OGFOD3: variants seen among roughly 807,000 people sequenced by gnomAD.
The protein encoded by OGFOD3 is 2-oxoglutarate and iron dependent oxygenase domain containing 3, also known as 2-oxoglutarate and iron-dependent oxygenase domain-containing protein 3.
OGFOD3 carries 35 observed loss-of-function variants against 39.8 expected under a neutral mutation model. The observed-to-expected ratio is 0.88, with a 90% confidence interval of 0.67 to 1.17. The LOEUF (loss-of-function observed/expected upper bound fraction) is 1.17. OGFOD3 is among the 50% of genes most tolerant of loss of function. OGFOD3 has a pLI of 0.00. For synonymous variants in OGFOD3, 200 were observed against 192.0 expected, an observed-to-expected ratio of 1.04 and a Z score of -0.34; for missense variants, 438 against 454.5, an observed-to-expected ratio of 0.96 and a Z score of 0.33.
chr17:82,405,451 G>T, intron 5 of OGFOD3, 71 bp from the exon 6 acceptor site: 1 of 1,295,114 alleles, frequency 7.7e-7, no homozygotes, highest in Non-Finnish European at 1.1e-6. Context: ...TTTCAGTTCA[G>T]CCATTCCTCA....
chr17:82,405,249 C>T lies in OGFOD3; in HGVS notation c.545+75G>A. On this transcript the variant is annotated intron_variant, in intron 6 of 8. Coordinates refer to ENST00000313056, the MANE Select transcript of OGFOD3 (RefSeq NM_024648.3). ...GGCCTCTCCGTGGGGCCTCCCCGGA[C>T]CGGCCAGCTCTGCCACACCCCTCAG... 9 of 1,329,218 alleles carry T rather than the reference C, an allele frequency of 6.8e-6. No homozygotes were observed. The South Asian group carries it at 9.6e-5, about 14-fold the overall frequency. The allele number at this position is 1,329,218 out of a possible 1,614,324, so 82.3% of individuals were successfully genotyped here.
rs147039814 is a variant in OGFOD3, at chr17:82,417,544, G to A, written c.74+868C>T. Among the ~76,000 whole-genome samples the A allele has an allele frequency of 1.8e-3, 275 of 151,698 alleles. 1 individual carries two copies. Among genetic ancestry groups the A allele is most frequent in the African/African-American group, 6.3e-3 (262 of 41,318 alleles). On this transcript the variant is annotated intron_variant, in intron 1 of 8. Transcript: ENST00000313056. ...TGAGGCAGGAGAATCTCTTGAACCCGGGAGGCAGAGGTTGCAATGAGCCGA... is the reference window on the plus strand; with the variant it reads ...TGAGGCAGGAGAATCTCTTGAACCCAGGAGGCAGAGGTTGCAATGAGCCGA...
Position 82,406,357 on chromosome 17 carries a change from A to C in OGFOD3, c.488+61T>G. 1.4e-6 allele frequency: 2 copies of C among 1,469,864 alleles called. No homozygotes were observed. The highest frequency in any genetic ancestry group is 2.3e-5 in the South Asian group (2 of 88,316). 91.1% of individuals were successfully genotyped at this position (1,469,864 alleles called of 1,614,324 possible). On this transcript the variant is annotated intron_variant, in intron 5 of 8. Transcript: ENST00000313056. The surrounding 1 kb of genome is among the most constrained non-coding windows in gnomAD (Gnocchi z 5.2). ...ACGTGTCCACATGTCCATGGCTAAGAGGCACGGAGCCGCTCACTCGGCTTT... is the reference window on the plus strand; with the variant it reads ...ACGTGTCCACATGTCCATGGCTAAGCGGCACGGAGCCGCTCACTCGGCTTT...
intron 3 of OGFOD3, among the ~76,000 whole-genome samples, chr17:82,410,830 T>C (rs1043715557): frequency 6.7e-6 from 1 of 148,310 alleles, no homozygotes; most frequent in South Asian, 2.2e-4. Context: ...GCAATTCTCC[T>C]GTCTCAGCCT....
intron 8 of OGFOD3, chr17:82,393,116 C>T (rs998014664): frequency 6.5e-6 from 1 of 152,756 alleles, no homozygotes; most frequent in African/African-American, 2.4e-5. Context: ...AGGGGCCTAT[C>T]TCAAGAGACG....
At chr17:82,402,372 T>A (rs9899437) in intron 7 of OGFOD3, among the ~76,000 whole-genome samples, 2,838 of 141,044 alleles carry the variant, frequency 0.02, 77 homozygotes, top group African/African-American at 0.071. Context: ...GAGGCGGAGG[T>A]TGTAGTAAGC....
rs1460984576 is a variant in OGFOD3 at position 82,392,185 on chromosome 17, C to T, written c.*213G>A. Reference sequence around the variant, plus strand: ...CTGGCCTCCACCTCAGGCTCCCAGGCCTACAGCCCAAGCACACATGATGCT... The same window carrying T: ...CTGGCCTCCACCTCAGGCTCCCAGGTCTACAGCCCAAGCACACATGATGCT... On this transcript the variant is annotated 3_prime_UTR_variant, in exon 9 of 9. Transcript: ENST00000313056. The surrounding 1 kb of genome is among the most constrained non-coding windows in gnomAD (Gnocchi z 4.2). 1 of 621,278 alleles carries T rather than the reference C, an allele frequency of 1.6e-6. No individual in the cohort carries two copies. Among genetic ancestry groups the T allele is most frequent in the African/African-American group, 1.9e-5 (1 of 54,010 alleles). 38.5% of individuals were successfully genotyped at this position (621,278 alleles called of 1,614,324 possible).
intron 2 of OGFOD3, among the ~76,000 whole-genome samples, chr17:82,412,650 G>A (rs2052969380): frequency 1.3e-5 from 2 of 151,976 alleles, no homozygotes; most frequent in Admixed American, 6.6e-5. Flanking sequence ...CAGGGTGGTC[G>A]AGGCAGCATC....
intron 2 of OGFOD3, among the ~76,000 whole-genome samples, chr17:82,413,227 G>A (rs1489855200): frequency 2.0e-5 from 3 of 152,250 alleles, no homozygotes; most frequent in African/African-American, 4.8e-5. Context: ...CAGGCCCGTG[G>A]CGCAGCCTCT....
intron 7 of OGFOD3, among the ~76,000 whole-genome samples, chr17:82,399,726 C>T (rs116203445): frequency 3.3e-5 from 5 of 152,326 alleles, no homozygotes; most frequent in African/African-American, 1.2e-4. Flanking sequence ...TCTGTCCCTC[C>T]GTGACTGGCT....
rs779607374 is a variant in OGFOD3 at position 82,406,501 on chromosome 17, A to T, written c.424-19T>A. On this transcript the variant is annotated intron_variant, in intron 4 of 8. Transcript: ENST00000313056. This position sits in a 1 kb window ranked among gnomAD's most constrained non-coding sequence, Gnocchi z 5.2. The stretch of plus-strand genomic sequence containing the variant: ...TGGATGCCTGGAAAAGACGTTGTGG[A>T]GTAAAGCGTGCAGCCGCAGCAATGG... 1.2e-6 allele frequency: 2 copies of T among 1,611,882 alleles called. No homozygotes were observed. The highest frequency in any genetic ancestry group is 1.7e-6 in the Non-Finnish European group (2 of 1,177,904).
At chr17:82,410,560 G>C (rs1455193512) in intron 3 of OGFOD3, among the ~76,000 whole-genome samples, 1 of 152,152 alleles carries the variant, frequency 6.6e-6, no homozygotes, top group Non-Finnish European at 1.5e-5. Flanking sequence ...GGGAGCATGG[G>C]GCACTCAGCA....
chr17:82,392,580 G>A lies in OGFOD3; in HGVS notation c.824-46C>T, dbSNP rs1302883817. 16 of 1,552,666 alleles carry A rather than the reference G, an allele frequency of 1.0e-5. No homozygotes were observed. Among genetic ancestry groups the A allele is most frequent in the Non-Finnish European group, 1.2e-5 (14 of 1,147,908 alleles). The stretch of plus-strand genomic sequence containing the variant: ...GAGGTGGCCATAGAGCCACACCCAC[G>A]GCCACAGCCTTCAGAGGGTCTGCGG... On this transcript the variant is annotated intron_variant, in intron 8 of 8. Transcript: ENST00000313056. This position sits in a 1 kb window ranked among gnomAD's most constrained non-coding sequence, Gnocchi z 4.2.
intron 2 of OGFOD3, among the ~76,000 whole-genome samples, chr17:82,414,533 G>A (rs1185620889): frequency 6.6e-6 from 1 of 152,238 alleles, no homozygotes; most frequent in Non-Finnish European, 1.5e-5. Context: ...AAGCTGGGAT[G>A]TTAGAGAGAG....
At chr17:82,394,346 A>G (rs1599683770) in intron 8 of OGFOD3, 1 of 1,554,612 alleles carries the variant, frequency 6.4e-7, no homozygotes, top group Non-Finnish European at 8.7e-7. Context: ...TCCTTAAAGC[A>G]GGACTCAGCA....
rs2052588591 is a variant in OGFOD3 at position 82,390,681 on chromosome 17, G to A, written c.*1717C>T. The A allele has an allele frequency of 5.0e-6, 1 of 200,012 alleles. No homozygotes were observed. Among genetic ancestry groups the A allele is most frequent in the Non-Finnish European group, 1.1e-5 (1 of 94,436 alleles). The allele number at this position is 200,012 out of a possible 1,614,324, so 12.4% of individuals were successfully genotyped here. On this transcript the variant is annotated 3_prime_UTR_variant, in exon 9 of 9. Transcript: ENST00000313056. This position sits in a 1 kb window ranked among gnomAD's most constrained non-coding sequence, Gnocchi z 4.9. ...GCATGTGGCCCGTGGTGCAGGAGGG[G>A]CCCTGGGCAAACCAAGGTGCGGCCC...
intron 3 of OGFOD3, among the ~76,000 whole-genome samples, chr17:82,410,693 C>T (rs2052927404): frequency 6.7e-6 from 1 of 150,058 alleles, no homozygotes. Flanking sequence ...GAGCTTGGCC[C>T]TTGAAAGCAC....
In OGFOD3 at chr17:82,392,189, C is replaced by T. The variant is rs1661902448; in HGVS notation, c.*209G>A. 1 of 633,058 alleles carries T rather than the reference C, an allele frequency of 1.6e-6. No individual in the cohort carries two copies. The highest frequency in any genetic ancestry group is 2.7e-6 in the Non-Finnish European group (1 of 373,602). The allele number at this position is 633,058 out of a possible 1,614,324, so 39.2% of individuals were successfully genotyped here. A position where few individuals can be genotyped will look rare whatever the true frequency, so the allele number is the denominator to read the frequency against. On this transcript the variant is annotated 3_prime_UTR_variant, in exon 9 of 9. Transcript: ENST00000313056. This position sits in a 1 kb window ranked among gnomAD's most constrained non-coding sequence, Gnocchi z 4.2. ...CCTCCACCTCAGGCTCCCAGGCCTA[C>T]AGCCCAAGCACACATGATGCTGGAG... is the stretch of plus-strand genomic sequence containing the variant.
chr17:82,402,849 G>A (rs909674063), intron 7 of OGFOD3, among the ~76,000 whole-genome samples: 1 of 152,102 alleles, frequency 6.6e-6, no homozygotes, highest in Non-Finnish European at 1.5e-5. Flanking sequence ...CAGCCCAGGA[G>A]GTCAGGCCAG....
Sources: gnomAD v4.1 joint callset for allele counts (sites outside exome capture counted in the v4.1 genomes callset) on GRCh38, gnomAD v4.1.1 for gene constraint, Gnocchi (gnomAD v3.1) non-coding constraint, MANE v1.5 for transcripts, NCBI Gene and HGNC (gene_info 2026-07-23, HGNC 2026-07-21) for gene names.